Variants in CADPS2 observed in about 807,000 individuals in gnomAD.
CADPS2 encodes calcium dependent secretion activator 2, also known as calcium-dependent secretion activator 2.
In CADPS2, 93 loss-of-function variants were observed where a neutral mutation model predicts 172.5. The ratio of observed to expected loss-of-function variants is 0.54; its 90% CI spans 0.46 to 0.64. The LOEUF (loss-of-function observed/expected upper bound fraction) is 0.64. CADPS2 is among the 30% of genes least tolerant of loss of function. The pLI, the probability that CADPS2 is intolerant of heterozygous loss-of-function variation, is 0.00. For missense variants in CADPS2, 1,420 were observed against 1,565.9 expected (o/e 0.91, Z 1.57); for synonymous variants, 546 against 555.2 (o/e 0.98, Z 0.23).
chr7:122,432,209 A>C (rs1439148106), intron 17 of CADPS2, among the ~76,000 whole-genome samples: 2 of 152,164 alleles, frequency 1.3e-5, no homozygotes, highest in African/African-American at 4.8e-5. Context: ...TATGAATCTC[A>C]TATCTGCTCA....
chr7:122,406,321 A>G (rs1209512156), intron 20 of CADPS2, among the ~76,000 whole-genome samples: 1 of 152,242 alleles, frequency 6.6e-6, no homozygotes, highest in African/African-American at 2.4e-5. Context: ...AGAAAGATAT[A>G]GCAGTGGCCT....
At chr7:122,759,047 A>G (rs1056273837) in intron 1 of CADPS2, among the ~76,000 whole-genome samples, 2 of 152,166 alleles carry the variant, frequency 1.3e-5, no homozygotes, top group Non-Finnish European at 2.9e-5. Flanking sequence ...TAATGAGCCA[A>G]AAAAATCTTC....
chr7:122,583,900 CAT>C (rs1031803642), intron 6 of CADPS2, among the ~76,000 whole-genome samples: 2 of 151,004 alleles, frequency 1.3e-5, no homozygotes, highest in African/African-American at 2.4e-5. Context: ...CACTCACACA[CAT>C]ATAAAGATCC....
intron 27 of CADPS2, among the ~76,000 whole-genome samples, chr7:122,349,827 T>C (rs1473304815): frequency 1.3e-5 from 2 of 152,184 alleles, no homozygotes; most frequent in Non-Finnish European, 2.9e-5. Flanking sequence ...ATCCCACAGG[T>C]GCAAGTCTTC....
intron 1 of CADPS2, among the ~76,000 whole-genome samples, chr7:122,797,022 A>G (rs1796519567): frequency 1.3e-5 from 2 of 152,118 alleles, no homozygotes; most frequent in Middle Eastern, 3.4e-3. Context: ...AGAAAAAAAA[A>G]CATTAAAAAG....
At chr7:122,807,959 T>A (rs918950291) in intron 1 of CADPS2, among the ~76,000 whole-genome samples, 15 of 152,314 alleles carry the variant, frequency 9.8e-5, no homozygotes, top group Non-Finnish European at 1.9e-4. Context: ...GACGTAGATA[T>A]AAAGTTTTCA....
intron 17 of CADPS2, 79 bp from the exon 18 acceptor site, chr7:122,416,243 G>T (rs2047898830): frequency 8.2e-6 from 5 of 612,044 alleles, no homozygotes. Context: ...GATGAGACTA[G>T]AATGTTGAAA....
At chr7:122,850,196 C>G (rs1813158584) in intron 1 of CADPS2, 1 of 1,103,788 alleles carries the variant, frequency 9.1e-7, no homozygotes, top group Non-Finnish European at 1.2e-6. Flanking sequence ...GATAGAGTAC[C>G]CTGAGGCTAT....
At chr7:122,550,152 G>A (rs183015227) in intron 8 of CADPS2, among the ~76,000 whole-genome samples, 6 of 152,260 alleles carry the variant, frequency 3.9e-5, no homozygotes, top group Middle Eastern at 3.4e-3. Context: ...CAAAGCAGCC[G>A]GTGTGGGGCT....
At chr7:122,595,836 C>T (rs1292504139) in intron 6 of CADPS2, among the ~76,000 whole-genome samples, 2 of 152,030 alleles carry the variant, frequency 1.3e-5, no homozygotes, top group Non-Finnish European at 2.9e-5. Context: ...TCACCTGAGA[C>T]TTTTTCTGAG....
chr7:122,737,743 GTTAATA>G (rs1429328146), intron 1 of CADPS2, among the ~76,000 whole-genome samples: 3 of 152,134 alleles, frequency 2.0e-5, no homozygotes, highest in Admixed American at 2.0e-4. Flanking sequence ...TTAACTAATA[GTTAATA>G]TTAATAATAT....
intron 2 of CADPS2, among the ~76,000 whole-genome samples, chr7:122,674,248 G>A (rs1373968376): frequency 2.0e-5 from 3 of 152,196 alleles, no homozygotes; most frequent in East Asian, 1.9e-4. Flanking sequence ...AGCCAGCTCC[G>A]GCCTCAGCCA....
rs1340964105 is a variant in CADPS2, at chr7:122,497,387, T to C, written c.1543-5967A>G. 5.3e-5 allele frequency among the ~76,000 whole-genome samples: 8 copies of C among 152,282 alleles called. No individual in the cohort carries two copies. In the East Asian group the frequency reaches 1.5e-3, roughly 29 times the overall value. On this transcript the variant is annotated intron_variant, in intron 9 of 29. Transcript: ENST00000449022. ...ATTTGCCATGCCTCTTTTTCTTTCA[T>C]TCCCTGTCTCTATTAAACATTAACA...
chr7:122,702,604 T>G (rs2086333129), intron 2 of CADPS2: 1 of 1,613,642 alleles, frequency 6.2e-7, no homozygotes, highest in African/African-American at 1.3e-5. Context: ...TGATCTCATT[T>G]CCAACCTGAA....
chr7:122,426,846 C>T (rs1292717625), intron 17 of CADPS2, among the ~76,000 whole-genome samples: 3 of 152,080 alleles, frequency 2.0e-5, no homozygotes, highest in Non-Finnish European at 4.4e-5. Context: ...AGGAAGAAGC[C>T]TTGTTATTTC....
At chr7:122,458,940 C>T (rs2054123782) in intron 14 of CADPS2, among the ~76,000 whole-genome samples, 1 of 151,894 alleles carries the variant, frequency 6.6e-6, no homozygotes, top group Admixed American at 6.6e-5. Context: ...ACCCTCTGCC[C>T]TATAACTAAT....
rs556607943 is a variant in CADPS2 at position 122,839,299 on chromosome 7, A to C, written c.339+46700T>G. On this transcript the variant is annotated intron_variant, in intron 1 of 29. Transcript: ENST00000449022. Reference sequence around the variant, plus strand: ...TAATTCAAGATGGATTAAAGACTTAAATGTTAGACCTAAAACCATAAAAAC... The same window carrying C: ...TAATTCAAGATGGATTAAAGACTTACATGTTAGACCTAAAACCATAAAAAC... 3.2e-4 allele frequency among the ~76,000 whole-genome samples: 48 copies of C among 152,218 alleles called. 1 individual carries two copies. Among genetic ancestry groups the C allele is most frequent in the African/African-American group, 1.0e-3 (42 of 41,530 alleles).
intron 24 of CADPS2, among the ~76,000 whole-genome samples, chr7:122,379,762 T>C (rs542301005): frequency 1.3e-5 from 2 of 152,250 alleles, no homozygotes; most frequent in East Asian, 3.9e-4. Context: ...AAGGTGGCCA[T>C]GTATTTTTCT....
intron 27 of CADPS2, among the ~76,000 whole-genome samples, chr7:122,349,712 G>A (rs543166422): frequency 2.0e-5 from 3 of 152,210 alleles, no homozygotes; most frequent in African/African-American, 7.2e-5. Context: ...TTTCCCAAGC[G>A]TTAATCACTA....
Sources: gnomAD v4.1 joint callset for allele counts (sites outside exome capture counted in the v4.1 genomes callset) on GRCh38, gnomAD v4.1.1 for gene constraint, MANE v1.5 for transcripts, NCBI Gene and HGNC (gene_info 2026-07-23, HGNC 2026-07-21) for gene names.